ANKRD22: variants seen among roughly 807,000 people sequenced by gnomAD.
ANKRD22 encodes the protein ankyrin repeat domain 22, also known as ankyrin repeat domain-containing protein 22.
In ANKRD22, 24 loss-of-function variants were observed where a neutral mutation model predicts 25.7. The observed-to-expected ratio is 0.93, with a 90% CI of 0.68 to 1.31. ANKRD22 has a LOEUF of 1.31. ANKRD22 is among the 50% of genes most tolerant of loss of function. The pLI is 0.00. For missense variants in ANKRD22, 214 were observed against 227.1 expected, an observed-to-expected ratio of 0.94 and a Z score of 0.37; for synonymous variants, 84 against 84.3, an observed-to-expected ratio of 1.00 and a Z score of 0.02.
chr10:88,828,427 CA>C, intron 3 of ANKRD22, 131 bp downstream of exon 3: 1 of 721,118 alleles, frequency 1.4e-6, no homozygotes, highest in Non-Finnish European at 2.4e-6. Context: ...TTGAACATGT[CA>C]ATTACAGAAT....
Position 88,820,542 on chromosome 10 carries a change from A to T in ANKRD22, c.*2399T>A. On this transcript the variant is annotated 3_prime_UTR_variant, in exon 6 of 6. Transcript: ENST00000371930. ...CGATCTTAGGACAACCTCCTGAGGGATGGGGCTAGGACCCATGAAGGCAGA... is the reference window on the plus strand; with the variant it reads ...CGATCTTAGGACAACCTCCTGAGGGTTGGGGCTAGGACCCATGAAGGCAGA... 2 of 1,530,204 alleles carry T rather than the reference A, an allele frequency of 1.3e-6. No homozygotes were observed. The highest frequency in any genetic ancestry group is 8.8e-7 in the Non-Finnish European group (1 of 1,138,542). The allele number at this position is 1,530,204 out of a possible 1,614,324, so 94.8% of individuals were successfully genotyped here.
intron 1 of ANKRD22, among the ~76,000 whole-genome samples, chr10:88,847,291 C>T (rs1431205568): frequency 6.6e-6 from 1 of 151,932 alleles, no homozygotes; most frequent in Non-Finnish European, 1.5e-5. Context: ...TGGAGACTCA[C>T]TCTGTTGCCC....
At chr10:88,829,758 G>T (rs1159243759) in intron 2 of ANKRD22, among the ~76,000 whole-genome samples, 1 of 152,160 alleles carries the variant, frequency 6.6e-6, no homozygotes, top group Non-Finnish European at 1.5e-5. Context: ...ACATTTCATG[G>T]TTTTTGAGGG....
intron 1 of ANKRD22, among the ~76,000 whole-genome samples, chr10:88,834,812 T>C (rs535607219): frequency 9.9e-5 from 15 of 152,192 alleles, no homozygotes; most frequent in African/African-American, 3.4e-4. Flanking sequence ...GCATGGTGTC[T>C]GGTGCCTATA....
chr10:88,844,697 C>T (rs1301906845), intron 1 of ANKRD22, among the ~76,000 whole-genome samples: 1 of 121,556 alleles, frequency 8.2e-6, no homozygotes, highest in African/African-American at 3.9e-5. Flanking sequence ...CTCAGATAAT[C>T]TAGATTTCCT....
chr10:88,836,094 AC>A (rs1421839077), intron 1 of ANKRD22, among the ~76,000 whole-genome samples: 1 of 152,150 alleles, frequency 6.6e-6, no homozygotes, highest in Non-Finnish European at 1.5e-5. Flanking sequence ...CATCATTCTC[AC>A]CAAGACTATT....
At position 88,825,170 on chromosome 10, in the gene ANKRD22, C is replaced by T. The variant is rs181999559; in HGVS notation, c.399+868G>A. Among the ~76,000 whole-genome samples the T allele has an allele frequency of 1.2e-4, 18 of 152,214 alleles. No individual in the cohort carries two copies. In the East Asian group the frequency reaches 1.7e-3, roughly 15 times the overall value. On this transcript the variant is annotated intron_variant, in intron 4 of 5. Transcript: ENST00000371930. ...GGTAATACACACAGATGTGCACACA[C>T]GTAAAATATGTTAGGCATCACAAAT...
At chr10:88,846,401 G>T (rs1214895045) in intron 1 of ANKRD22, among the ~76,000 whole-genome samples, 1 of 152,082 alleles carries the variant, frequency 6.6e-6, no homozygotes, top group African/African-American at 2.4e-5. Flanking sequence ...ATTCTCACAT[G>T]GCTAAATTAA....
intron 1 of ANKRD22, among the ~76,000 whole-genome samples, chr10:88,845,698 T>C (rs1393904773): frequency 6.6e-6 from 1 of 152,096 alleles, no homozygotes; most frequent in Non-Finnish European, 1.5e-5. Flanking sequence ...AATTCACCCA[T>C]TAGTCTAATG....
At chr10:88,831,786 A>G (rs1482524382) in intron 2 of ANKRD22, 49 bp downstream of exon 2, 3 of 1,493,982 alleles carry the variant, frequency 2.0e-6, no homozygotes, top group Non-Finnish European at 2.7e-6. Context: ...TTCAAAGAGA[A>G]AAGAATTATC....
At chr10:88,835,565 A>G (rs75307613) in intron 1 of ANKRD22, among the ~76,000 whole-genome samples, 4,025 of 152,296 alleles carry the variant, frequency 0.026, 187 homozygotes, top group African/African-American at 0.091. Context: ...TTGTAACACA[A>G]TTGTAAGTAT....
intron 2 of ANKRD22, among the ~76,000 whole-genome samples, chr10:88,830,303 C>G (rs910436312): frequency 1.3e-5 from 2 of 152,002 alleles, no homozygotes; most frequent in Admixed American, 6.6e-5. Context: ...CATTTGTTTT[C>G]TTTTTTAATC....
In ANKRD22 at chr10:88,820,236, C is replaced by G. The variant is rs200206641; in HGVS notation, c.*2705G>C. On this transcript the variant is annotated 3_prime_UTR_variant, in exon 6 of 6. Transcript: ENST00000371930. ...AGAACTATTCCTTTTCTCTAGCCAA[C>G]TCCTGTAAGGTACAGAGTCAGAGAT... 2 of 1,549,784 alleles carry G rather than the reference C, an allele frequency of 1.3e-6. No individual in the cohort carries two copies. The highest frequency in any genetic ancestry group is 1.7e-4 in the Middle Eastern group (1 of 5,974).
rs1486318763 is a variant in ANKRD22, at chr10:88,848,203, C to CAT, written c.21+3382_21+3383dup. 2.1e-4 allele frequency among the ~76,000 whole-genome samples: 31 copies of CAT among 145,332 alleles called. 1 individual carries two copies. Among genetic ancestry groups the CAT allele is most frequent in the East Asian group, 6.0e-4 (3 of 5,026 alleles). On this transcript the variant is annotated intron_variant, in intron 1 of 5. Coordinates refer to ENST00000371930, the MANE Select transcript of ANKRD22 (RefSeq NM_144590.3). ...ATATATATGTATATATGTATATATA[C>CAT]ATATATATATACATATATACACCAG...
At chr10:88,825,011 T>TCTCACA (rs1420247268) in intron 4 of ANKRD22, among the ~76,000 whole-genome samples, 108 of 111,502 alleles carry the variant, frequency 9.7e-4, no homozygotes, top group African/African-American at 2.4e-3. Context: ...TCTCTCTCTC[T>TCTCACA]CACACACACA....
chr10:88,843,645 A>C (rs1844023037), intron 1 of ANKRD22, among the ~76,000 whole-genome samples: 1 of 152,198 alleles, frequency 6.6e-6, no homozygotes, highest in African/African-American at 2.4e-5. Flanking sequence ...TATAAAGTCC[A>C]ATTAAAATAA....
At chr10:88,826,928 A>G (rs899713953) in intron 3 of ANKRD22, among the ~76,000 whole-genome samples, 1 of 152,252 alleles carries the variant, frequency 6.6e-6, no homozygotes, top group African/African-American at 2.4e-5. Context: ...CGTCTGGCAC[A>G]TAGTAGGTCC....
intron 1 of ANKRD22, among the ~76,000 whole-genome samples, chr10:88,848,083 A>G (rs755606928): frequency 2.0e-5 from 3 of 151,172 alleles, no homozygotes; most frequent in Admixed American, 6.6e-5. Flanking sequence ...GTTTGTGCTC[A>G]AAAATTTGGA....
chr10:88,842,830 G>A (rs1844014675), intron 1 of ANKRD22, among the ~76,000 whole-genome samples: 2 of 152,032 alleles, frequency 1.3e-5, no homozygotes, highest in African/African-American at 2.4e-5. Context: ...ACATTGTAAT[G>A]TGGTAATAAT....
Sources: allele counts gnomAD v4.1 joint callset (sites outside exome capture counted in the v4.1 genomes callset), GRCh38; gene constraint gnomAD v4.1.1; transcripts MANE v1.5; gene names NCBI Gene and HGNC (gene_info 2026-07-23, HGNC 2026-07-21).